Variants in GDI2 observed in about 807,000 individuals in gnomAD.
The protein encoded by GDI2 is rab GDP dissociation inhibitor beta.
A neutral mutation model predicts 54.2 loss-of-function variants in GDI2; 22 were observed. The observed-to-expected ratio is 0.41, with a 90% CI of 0.29 to 0.58. GDI2 has a LOEUF of 0.58. Among genes scored for constraint, GDI2 ranks in the 20% least tolerant of loss-of-function variants. The pLI is 0.35. For missense variants in GDI2, 422 were observed against 546.0 expected (o/e 0.77, Z 2.26); for synonymous variants, 177 against 182.1 (o/e 0.97, Z 0.23).
chr10:5,806,555 C>T (rs964596020), intron 1 of GDI2, among the ~76,000 whole-genome samples: 5 of 151,974 alleles, frequency 3.3e-5, no homozygotes, highest in Admixed American at 2.0e-4. Flanking sequence ...TATATAAATC[C>T]TTTATTAGTT....
In GDI2 at chr10:5,766,100, T is replaced by TC; in HGVS notation, c.1243dup (p.Asp415GlyfsTer2). On this transcript the variant is annotated frameshift_variant, in exon 11 of 11. Coordinates refer to ENST00000380191, the MANE Select transcript of GDI2 (RefSeq NM_001494.4). LOFTEE classifies it high-confidence loss of function. The surrounding 1 kb of genome is among the most constrained non-coding windows in gnomAD (Gnocchi z 5.8). The stretch of plus-strand genomic sequence containing the variant: ...CCTCTTATAGATGTTTTTAATGTCA[T>TC]CACACGTTGTCTCAAAATGAGTGGT... 1 of 1,611,940 alleles carries TC rather than the reference T, an allele frequency of 6.2e-7. No individual in the cohort carries two copies. Among genetic ancestry groups the TC allele is most frequent in the Admixed American group, 1.7e-5 (1 of 59,626 alleles).
Position 5,808,787 on chromosome 10 carries a change from T to C in GDI2, c.45+4427A>G, listed in dbSNP as rs79306717. 5.9e-3 allele frequency among the ~76,000 whole-genome samples: 893 copies of C among 150,542 alleles called. 12 individuals carry two copies. The highest frequency in any genetic ancestry group is 0.041 in the Middle Eastern group (12 of 294). Reference sequence around the variant, plus strand: ...AGTACAAAGTATCTAATAACTAATATTAAAGTGCCTTTTCAAAACTACTTA... The same window carrying C: ...AGTACAAAGTATCTAATAACTAATACTAAAGTGCCTTTTCAAAACTACTTA... On this transcript the variant is annotated intron_variant, in intron 1 of 10. Transcript: ENST00000380191.
intron 6 of GDI2, among the ~76,000 whole-genome samples, chr10:5,782,664 T>C (rs1452539156): frequency 1.3e-5 from 2 of 152,158 alleles, no homozygotes; most frequent in Non-Finnish European, 2.9e-5. Flanking sequence ...CCAGGCACAA[T>C]GGCTCACACC....
chr10:5,766,074 T>C lies in GDI2; in HGVS notation c.1270A>G (p.Met424Val). 6.2e-7 allele frequency: 1 copy of C among 1,603,490 alleles called. No homozygotes were observed. Among genetic ancestry groups the C allele is most frequent in the South Asian group, 1.1e-5 (1 of 88,812 alleles). The change falls in exon 11 of 11, where the codon ATG becomes GTG. Residue 424 changes from methionine to valine, a missense_variant. Physicochemically the swap from Met to Val is conservative, Grantham distance 21 (BLOSUM62 1). Coordinates refer to ENST00000380191, the MANE Select transcript of GDI2 (RefSeq NM_001494.4). The surrounding 1 kb of genome is among the most constrained non-coding windows in gnomAD (Gnocchi z 5.8). Reference protein sequence around the residue: ...CDDIKNIYKRMTGSEFDFEEM... With the variant: ...CDDIKNIYKRVTGSEFDFEEM... ...TCAAAGTCAAACTCTGATCCTGTCA[T>C]CCTCTTATAGATGTTTTTAATGTCA... is the stretch of plus-strand genomic sequence containing the variant.
intron 8 of GDI2, among the ~76,000 whole-genome samples, chr10:5,767,083 T>C (rs1347783206): frequency 6.6e-6 from 1 of 152,204 alleles, no homozygotes; most frequent in Non-Finnish European, 1.5e-5. Context: ...CACTTTTGAG[T>C]TGGCATAACG....
chr10:5,775,118 T>C (rs1222605452), intron 6 of GDI2, among the ~76,000 whole-genome samples: 1 of 152,122 alleles, frequency 6.6e-6, no homozygotes, highest in Non-Finnish European at 1.5e-5. Flanking sequence ...TGAAACCCTG[T>C]TTCTACAACA....
intron 3 of GDI2, 58 bp downstream of exon 3, chr10:5,796,705 T>G: frequency 3.4e-6 from 3 of 874,488 alleles, no homozygotes; most frequent in Non-Finnish European, 5.9e-6. Context: ...AAAAGTTAGT[T>G]TTGATATTAA....
chr10:5,780,352 G>A (rs1043257194), intron 6 of GDI2, among the ~76,000 whole-genome samples: 10 of 149,526 alleles, frequency 6.7e-5, no homozygotes, highest in African/African-American at 2.0e-4. Flanking sequence ...TAGATTCCCC[G>A]TAAAACTGGG....
At chr10:5,805,177 G>T (rs1430829339) in intron 1 of GDI2, among the ~76,000 whole-genome samples, 1 of 151,884 alleles carries the variant, frequency 6.6e-6, no homozygotes, top group Non-Finnish European at 1.5e-5. Context: ...TGCAAGCAGG[G>T]CATCTCAGTG....
intron 4 of GDI2, among the ~76,000 whole-genome samples, chr10:5,791,662 G>C (rs1391257856): frequency 6.6e-6 from 1 of 151,554 alleles, no homozygotes; most frequent in African/African-American, 2.4e-5. Context: ...CAGGAGAATT[G>C]CTTGAACCCA....
chr10:5,780,171 T>TG (rs1253033466), intron 6 of GDI2, among the ~76,000 whole-genome samples: 1 of 150,060 alleles, frequency 6.7e-6, no homozygotes, highest in Admixed American at 6.7e-5. Flanking sequence ...ATCATGCCAC[T>TG]GCACTCTAGC....
rs34913780 is a variant in GDI2, at chr10:5,781,625, CAA to C, written c.719+3515_719+3516del. 8.8e-3 allele frequency among the ~76,000 whole-genome samples: 855 copies of C among 97,090 alleles called. 13 individuals carry two copies. The highest frequency in any genetic ancestry group is 0.031 in the African/African-American group (723 of 23,348). The allele number at this position is 97,090 out of a possible 152,430, so 63.7% of individuals were successfully genotyped here. On this transcript the variant is annotated intron_variant, in intron 6 of 10. Coordinates refer to ENST00000380191, the MANE Select transcript of GDI2 (RefSeq NM_001494.4). ...GGGCAAAACACCCAGACTCTGTCTC[CAA>C]AAAAAAAAAAAAAAAAGACTTCTAA...
chr10:5,793,858 G>C (rs868451628), intron 4 of GDI2, among the ~76,000 whole-genome samples: 46 of 151,890 alleles, frequency 3.0e-4, no homozygotes, highest in African/African-American at 1.1e-3. Flanking sequence ...AAATAATGTT[G>C]GGCAGAGAAT....
intron 7 of GDI2, among the ~76,000 whole-genome samples, chr10:5,773,161 C>G (rs1488514525): frequency 6.6e-6 from 1 of 152,086 alleles, no homozygotes; most frequent in Non-Finnish European, 1.5e-5. Context: ...ATGCCCCCCA[C>G]CCCACCACCC....
At chr10:5,789,202 G>C (rs911921123) in intron 4 of GDI2, among the ~76,000 whole-genome samples, 29 of 151,964 alleles carry the variant, frequency 1.9e-4, no homozygotes, top group African/African-American at 7.0e-4. Flanking sequence ...AACTTCCTGG[G>C]CTCAAGCAAT....
intron 7 of GDI2, among the ~76,000 whole-genome samples, chr10:5,770,141 A>G (rs753644554): frequency 3.3e-5 from 5 of 152,260 alleles, no homozygotes; most frequent in East Asian, 1.9e-4. Flanking sequence ...GGCAAATACT[A>G]TATTATTCCG....
At chr10:5,783,667 A>C (rs1840809762) in intron 6 of GDI2, among the ~76,000 whole-genome samples, 1 of 152,152 alleles carries the variant, frequency 6.6e-6, no homozygotes, top group African/African-American at 2.4e-5. Context: ...TTCTCTCAGC[A>C]CTTGTTTGTG....
At position 5,766,020 on chromosome 10, in the gene GDI2, A is replaced by G. The variant is rs1377619541; in HGVS notation, c.1324T>C (p.Tyr442His). The G allele has an allele frequency of 3.8e-6, 6 of 1,583,326 alleles. No homozygotes were observed. The Admixed American group carries it at 8.2e-5, about 22-fold the overall frequency. Residue 442 changes from tyrosine to histidine, a missense_variant, in exon 11 of 11, where the codon TAT (tyrosine) becomes CAT (histidine). By Grantham distance (83) the Tyr-to-His change is moderately conservative (BLOSUM62 2). Transcript: ENST00000380191. This position sits in a 1 kb window ranked among gnomAD's most constrained non-coding sequence, Gnocchi z 5.8. ...EEMKRKKNDIYGED is the reference protein window; with the variant it reads ...EEMKRKKNDIHGED The stretch of plus-strand genomic sequence containing the variant: ...ATGTACTGCTGTTAGTCTTCCCCAT[A>G]GATGTCATTCTTCTTGCGCTTCATT...
At chr10:5,796,926 C>T in intron 2 of GDI2, 64 bp from the exon 3 acceptor site, 1 of 765,390 alleles carries the variant, frequency 1.3e-6, no homozygotes, top group South Asian at 1.6e-5. Flanking sequence ...ACAATATGTA[C>T]ATATTTTTTA....
Sources: gnomAD v4.1 joint callset for allele counts (sites outside exome capture counted in the v4.1 genomes callset) on GRCh38, gnomAD v4.1.1 for gene constraint, Gnocchi (gnomAD v3.1) non-coding constraint, MANE v1.5 for transcripts, NCBI Gene and HGNC (gene_info 2026-07-23, HGNC 2026-07-21) for gene names.